AATK: variants seen among roughly 807,000 people sequenced by gnomAD.
AATK encodes the protein lemur tail kinase 1.
In AATK, 91 loss-of-function variants were observed where a neutral mutation model predicts 114.3. The observed-to-expected ratio is 0.80, with a 90% CI of 0.67 to 0.95. AATK has a LOEUF of 0.95. AATK is among the 40% of genes least tolerant of loss of function. The pLI, the probability that AATK is intolerant of heterozygous loss-of-function variation, is 0.00. For missense variants in AATK, 2,176 were observed against 1,965.2 expected, an observed-to-expected ratio of 1.11 and a Z score of -2.03; for synonymous variants, 1,075 against 916.5, an observed-to-expected ratio of 1.17 and a Z score of -3.12.
intron 13 of AATK, among the ~76,000 whole-genome samples, chr17:81,119,140 C>CAGGTGAGGGT (rs2060630176): frequency 7.7e-6 from 1 of 130,548 alleles, no homozygotes; most frequent in African/African-American, 3.1e-5. Context: ...CAGGTGAGGG[C>CAGGTGAGGGT]CAGGTGAGGG....
chr17:81,119,881 AC>A (rs1330869877), intron 12 of AATK, 54 bp downstream of exon 12: 2 of 1,386,356 alleles, frequency 1.4e-6, no homozygotes, highest in African/African-American at 1.6e-5. Flanking sequence ...CCCACACAGC[AC>A]GGACCAGGCC....
intron 6 of AATK, among the ~76,000 whole-genome samples, chr17:81,127,084 C>T (rs1333117534): frequency 3.0e-4 from 20 of 66,642 alleles, no homozygotes; most frequent in South Asian, 1.1e-3. Flanking sequence ...GAGGGGGAGA[C>T]GGGTCCCCGG....
chr17:81,142,439 T>C (rs1009429431), intron 1 of AATK, among the ~76,000 whole-genome samples: 3 of 151,932 alleles, frequency 2.0e-5, no homozygotes, highest in Admixed American at 2.0e-4. Flanking sequence ...CACCCGCTAA[T>C]TTTTACATTT....
chr17:81,121,688 A>C lies in AATK; in HGVS notation c.2248T>G (p.Ser750Ala), dbSNP rs772773081. The change falls in exon 11 of 14, where the codon TCT (serine) becomes GCT (alanine). Residue 750 changes from serine (S) to alanine (A), a missense_variant. Transcript: ENST00000326724. ...GGAGCAGGTGCCAGGCCCTGGGCAG[A>C]GCATAGATGAGGGAGGCCGGGGCAG... Reference protein sequence around the residue: ...GCCPGLPHLCSAQGLAPAPCL... With the variant: ...GCCPGLPHLCAAQGLAPAPCL... 3 of 1,497,878 alleles carry C rather than the reference A, an allele frequency of 2.0e-6. No individual in the cohort carries two copies. Among genetic ancestry groups the C allele is most frequent in the South Asian group, 2.6e-5 (2 of 77,778 alleles). The allele number at this position is 1,497,878 out of a possible 1,614,324, so 92.8% of individuals were successfully genotyped here. A position where few individuals can be genotyped will look rare whatever the true frequency, so the allele number is the denominator to read the frequency against.
In AATK at chr17:81,120,230, CGAA is replaced by C. The variant is rs1436522950; in HGVS notation, c.3703_3705del (p.Phe1235del). On this transcript the variant is annotated inframe_deletion, in exon 11 of 14. Coordinates refer to ENST00000326724, the MANE Select transcript of AATK (RefSeq NM_001080395.3). ...TCAAAGAGGTAGACGGTGACGTCGT[CGAA>C]GAAGGACACGGCCTTCTTCTTGCGT... 5 of 1,587,904 alleles carry C rather than the reference CGAA, an allele frequency of 3.1e-6. No homozygotes were observed. The highest frequency in any genetic ancestry group is 3.4e-6 in the Non-Finnish European group (4 of 1,162,006).
At chr17:81,150,831 C>G (rs1288358540) in intron 1 of AATK, among the ~76,000 whole-genome samples, 1 of 152,202 alleles carries the variant, frequency 6.6e-6, no homozygotes, top group Admixed American at 6.5e-5. Flanking sequence ...CCCTTTCCCC[C>G]GTCTGGTGAT....
At chr17:81,142,327 C>T (rs1443563799) in intron 1 of AATK, among the ~76,000 whole-genome samples, 1 of 151,502 alleles carries the variant, frequency 6.6e-6, no homozygotes, top group African/African-American at 2.4e-5. Flanking sequence ...GGCTGGAGCG[C>T]AGTGGTGCAA....
intron 13 of AATK, among the ~76,000 whole-genome samples, chr17:81,119,145 TG>T (rs1229051714): frequency 1.7e-3 from 25 of 14,940 alleles, no homozygotes; most frequent in African/African-American, 3.7e-3. Context: ...GAGGGCCAGG[TG>T]AGGGTCAGGT....
At chr17:81,138,297 GCA>G (rs1034555627) in intron 1 of AATK, among the ~76,000 whole-genome samples, 24 of 129,578 alleles carry the variant, frequency 1.9e-4, no homozygotes, top group African/African-American at 7.1e-4. Flanking sequence ...CCACACATGT[GCA>G]CACATATCCA....
intron 6 of AATK, among the ~76,000 whole-genome samples, chr17:81,127,093 G>T (rs1397766117): frequency 1.4e-5 from 2 of 146,538 alleles, no homozygotes; most frequent in East Asian, 4.2e-4. Context: ...ACGGGTCCCC[G>T]GGGCAGGGGG....
At chr17:81,165,570 G>A (rs1285377515) in intron 1 of AATK, 3 of 1,218,212 alleles carry the variant, frequency 2.5e-6, no homozygotes, top group African/African-American at 3.0e-5. Context: ...AGAGGCCATG[G>A]AAAGCCTGAA....
At chr17:81,154,842 C>A (rs879370559) in intron 1 of AATK, among the ~76,000 whole-genome samples, 17,284 of 144,598 alleles carry the variant, frequency 0.12, 2,035 homozygotes, top group African/African-American at 0.26. Context: ...GTTGGCCAGG[C>A]TGGTCTCAAA....
chr17:81,154,315 C>CTT (rs1256563715), intron 1 of AATK, among the ~76,000 whole-genome samples: 8 of 120,674 alleles, frequency 6.6e-5, no homozygotes, highest in African/African-American at 2.6e-4. Context: ...TTAGTTTTTT[C>CTT]TTTCTTTTTT....
At chr17:81,155,754 C>T (rs187440999) in intron 1 of AATK, among the ~76,000 whole-genome samples, 10 of 151,858 alleles carry the variant, frequency 6.6e-5, no homozygotes, top group Non-Finnish European at 1.0e-4. Context: ...GGTGCCATCA[C>T]AGCTCACTGC....
intron 1 of AATK, among the ~76,000 whole-genome samples, chr17:81,137,416 T>A (rs2146343627): frequency 6.6e-6 from 1 of 152,096 alleles, no homozygotes; most frequent in East Asian, 1.9e-4. Context: ...TCCCACAGTC[T>A]CTCGGCCGCA....
intron 1 of AATK, chr17:81,165,668 C>T: frequency 3.3e-6 from 5 of 1,505,190 alleles, no homozygotes; most frequent in Non-Finnish European, 4.4e-6. Flanking sequence ...GCAGGCCCTC[C>T]GTGCCCCAGT....
At position 81,134,407 on chromosome 17, in the gene AATK, C is replaced by T; in HGVS notation, c.150G>A (p.Leu50=). 4 of 1,613,312 alleles carry T rather than the reference C, an allele frequency of 2.5e-6. No homozygotes were observed. Among genetic ancestry groups the T allele is most frequent in the Non-Finnish European group, 3.4e-6 (4 of 1,179,808 alleles). The change falls in exon 2 of 14, where the codon CTG becomes CTA. Residue 50 remains leucine, a synonymous_variant. Coordinates refer to ENST00000326724, the MANE Select transcript of AATK (RefSeq NM_001080395.3). ...SGLFAVIVLM[L]ACLCCKKGGI... The stretch of plus-strand genomic sequence containing the variant: ...CGCCCTTCTTACAGCACAGGCAGGC[C>T]AGCATGAGGACGATGACGGCGAAGA...
chr17:81,123,391 C>G, intron 9 of AATK, 48 bp from the exon 10 acceptor site: 1 of 1,325,122 alleles, frequency 7.5e-7, no homozygotes, highest in Non-Finnish European at 9.6e-7. Flanking sequence ...CCTGCCACAG[C>G]AAGGACCGCG....
chr17:81,129,228 G>T (rs1043898033), intron 3 of AATK, among the ~76,000 whole-genome samples: 3 of 152,238 alleles, frequency 2.0e-5, no homozygotes, highest in Non-Finnish European at 4.4e-5. Flanking sequence ...GGAGAGCCCA[G>T]GGGGAGGGGG....
Sources: gnomAD v4.1 joint callset for allele counts (sites outside exome capture counted in the v4.1 genomes callset) on GRCh38, gnomAD v4.1.1 for gene constraint, MANE v1.5 for transcripts, NCBI Gene and HGNC (gene_info 2026-07-23, HGNC 2026-07-21) for gene names.